Variants in ZNF324B observed in about 807,000 individuals in gnomAD.
ZNF324B encodes zinc finger protein 324B.
In ZNF324B, 7 loss-of-function variants were observed where a neutral mutation model predicts 10.6. The ratio of observed to expected loss-of-function variants is 0.66; its 90% CI spans 0.38 to 1.24. The LOEUF is 1.24. Among genes scored for constraint, ZNF324B ranks in the 50% most tolerant of loss-of-function variants. The pLI is 0.02. For synonymous variants in ZNF324B, 316 were observed against 321.0 expected (o/e 0.98, Z 0.17); for missense variants, 640 against 764.7 (o/e 0.84, Z 1.92).
the ZNF324B span, chr19:58,440,193 C>A: frequency 3.2e-6 from 1 of 309,520 alleles, no homozygotes; most frequent in African/African-American, 2.3e-5. Flanking sequence ...ACAGCTCGGA[C>A]TTGCCACTGG....
chr19:58,440,200 C>G, the ZNF324B span: 10 of 293,586 alleles, frequency 3.4e-5, no homozygotes, highest in African/African-American at 1.6e-4. Context: ...GGACTTGCCA[C>G]TGGTCCGAGC....
chr19:58,429,158 T>A, the ZNF324B span: 2 of 152,266 alleles, frequency 1.3e-5, no homozygotes, highest in African/African-American at 4.8e-5. Context: ...TGCGGCTGTT[T>A]GAGACACTCA....
the ZNF324B span, among the ~76,000 whole-genome samples, chr19:58,438,084 C>T: frequency 9.2e-5 from 14 of 152,212 alleles, no homozygotes; most frequent in African/African-American, 3.4e-4. Context: ...GAAGAGATAA[C>T]ATGCCCTGAC....
the ZNF324B span, among the ~76,000 whole-genome samples, chr19:58,420,098 A>G: frequency 6.6e-6 from 1 of 152,136 alleles, no homozygotes; most frequent in East Asian, 1.9e-4. Context: ...CCTGGCCAAC[A>G]TGGTGAAACT....
chr19:58,457,520 A>T lies in ZNF324B; in HGVS notation c.*941A>T, dbSNP rs924750842. On this transcript the variant is annotated 3_prime_UTR_variant, in exon 4 of 4. Transcript: ENST00000336614. The stretch of plus-strand genomic sequence containing the variant: ...GATTTGGTGGCCGATCCCCGCCCCC[A>T]CCCCCACCCCCTCCATCTCACCTTT... 5.2e-5 allele frequency: 1 copy of T among 19,274 alleles called. No homozygotes were observed. The highest frequency in any genetic ancestry group is 4.1e-4 in the Admixed American group (1 of 2,468). 1.2% of individuals were successfully genotyped at this position (19,274 alleles called of 1,614,324 possible). A position where few individuals can be genotyped will look rare whatever the true frequency, so the allele number is the denominator to read the frequency against.
the ZNF324B span, among the ~76,000 whole-genome samples, chr19:58,423,229 G>A: frequency 7.2e-5 from 11 of 151,884 alleles, no homozygotes; most frequent in South Asian, 2.1e-4. Flanking sequence ...GCGCGATCTC[G>A]GCTCACTGCA....
At chr19:58,453,131 T>TA (rs1293038659) in intron 1 of ZNF324B, 1 of 138,562 alleles carries the variant, frequency 7.2e-6, no homozygotes, top group Non-Finnish European at 1.6e-5. Flanking sequence ...ATAAATAAAT[T>TA]GAGGAGGGGG....
the ZNF324B span, chr19:58,443,492 C>T: frequency 0.27 from 40,502 of 152,324 alleles, 6,617 homozygotes; most frequent in Middle Eastern, 0.51. Context: ...CCCACTCCCA[C>T]GCCCTTGTCC....
chr19:58,455,044 C>T lies in ZNF324B; in HGVS notation c.239-139C>T. On this transcript the variant is annotated intron_variant, in intron 3 of 3. Transcript: ENST00000336614. This position sits in a 1 kb window ranked among gnomAD's most constrained non-coding sequence, Gnocchi z 7.0. ...TGCTTCCTCCAAACCCCAGCCCCTCCTGCAGAGCCAGCCTCACCTCTTCTT... is the reference window on the plus strand; with the variant it reads ...TGCTTCCTCCAAACCCCAGCCCCTCTTGCAGAGCCAGCCTCACCTCTTCTT... The T allele has an allele frequency of 8.4e-7, 1 of 1,197,200 alleles. No homozygotes were observed. The highest frequency in any genetic ancestry group is 1.2e-6 in the Non-Finnish European group (1 of 815,368). 74.2% of individuals were successfully genotyped at this position (1,197,200 alleles called of 1,614,324 possible).
At chr19:58,433,126 C>A in the ZNF324B span, 2 of 623,976 alleles carry the variant, frequency 3.2e-6, no homozygotes, top group African/African-American at 3.7e-5. Flanking sequence ...TGGAAAGTGA[C>A]TATGGCTTCT....
At chr19:58,423,750 G>A in the ZNF324B span, among the ~76,000 whole-genome samples, 2 of 152,186 alleles carry the variant, frequency 1.3e-5, no homozygotes, top group African/African-American at 4.8e-5. Flanking sequence ...TGGAGACCCA[G>A]AAATAAATCC....
At position 58,456,300 on chromosome 19, in the gene ZNF324B, C is replaced by T; in HGVS notation, c.1356C>T (p.Pro452=). Residue 452 remains proline (P), a synonymous_variant, in exon 4 of 4, where the codon CCC becomes CCT. Coordinates refer to ENST00000336614, the MANE Select transcript of ZNF324B (RefSeq NM_207395.3). This position sits in a 1 kb window ranked among gnomAD's most constrained non-coding sequence, Gnocchi z 4.7. The part of the protein sequence containing the change: ...QHQLLHTGER[P]FRCVDCGKGF... ...AGCTCCTGCACACGGGCGAGCGGCC[C>T]TTCCGCTGCGTGGACTGTGGCAAGG... 1 of 1,612,928 alleles carries T rather than the reference C, an allele frequency of 6.2e-7. No homozygotes were observed. The highest frequency in any genetic ancestry group is 2.2e-5 in the East Asian group (1 of 44,874).
the ZNF324B span, chr19:58,437,679 C>T: frequency 0.25 from 244,116 of 979,990 alleles, 31,319 homozygotes; most frequent in Non-Finnish European, 0.26. Context: ...CCTCCCTGTT[C>T]ACACTGTAGG....
intron 2 of ZNF324B, 149 bp from the exon 3 acceptor site, chr19:58,454,079 T>C: frequency 1.4e-6 from 1 of 692,558 alleles, no homozygotes; most frequent in Admixed American, 2.6e-5. Context: ...ACATGAGCTA[T>C]TCCTATGAGC....
intron 1 of ZNF324B, 141 bp from the exon 2 acceptor site, chr19:58,453,555 A>G (rs2052882791): frequency 8.6e-7 from 1 of 1,165,514 alleles, no homozygotes; most frequent in African/African-American, 1.5e-5. Context: ...CAGGTGAGGG[A>G]AGTGCCACCT....
chr19:58,425,811 A>C, the ZNF324B span, among the ~76,000 whole-genome samples: 2 of 152,160 alleles, frequency 1.3e-5, no homozygotes, highest in African/African-American at 2.4e-5. Context: ...AGCCTAACAA[A>C]AAGGTCACAT....
In ZNF324B at chr19:58,451,715, C is replaced by T. The variant is rs570218344; in HGVS notation, c.-7+11C>T. 3.2e-5 allele frequency: 15 copies of T among 465,876 alleles called. No individual in the cohort carries two copies. Among genetic ancestry groups the T allele is most frequent in the African/African-American group, 3.2e-4 (15 of 47,548 alleles). The allele number at this position is 465,876 out of a possible 1,614,324, so 28.9% of individuals were successfully genotyped here. A position where few individuals can be genotyped will look rare whatever the true frequency, so the allele number is the denominator to read the frequency against. On this transcript the variant is annotated intron_variant, in intron 1 of 3. Transcript: ENST00000336614. ...CGGGCGGCCAGGAAGGTACGGACCA[C>T]GAGCAGCCGGCCGCGCCCCCAAGCC...
At chr19:58,422,986 C>T in the ZNF324B span, among the ~76,000 whole-genome samples, 5 of 151,074 alleles carry the variant, frequency 3.3e-5, no homozygotes, top group African/African-American at 7.3e-5. Flanking sequence ...TCTTCTGCCT[C>T]GGCCTTCCCA....
the ZNF324B span, among the ~76,000 whole-genome samples, chr19:58,427,361 T>C: frequency 3.7e-5 from 2 of 53,478 alleles, no homozygotes; most frequent in Admixed American, 4.9e-4. Context: ...TTTCTTTCTT[T>C]CTTTCTTTCT....
Sources: allele counts gnomAD v4.1 joint callset (sites outside exome capture counted in the v4.1 genomes callset), GRCh38; gene constraint gnomAD v4.1.1; non-coding constraint Gnocchi (gnomAD v3.1); transcripts MANE v1.5; gene names NCBI Gene and HGNC (gene_info 2026-07-23, HGNC 2026-07-21).